NPAT: variants seen among roughly 807,000 people sequenced by gnomAD.
NPAT encodes protein NPAT.
A neutral mutation model predicts 130.7 loss-of-function variants in NPAT; 52 were observed. The observed-to-expected ratio is 0.40, with a 90% CI of 0.32 to 0.50. The LOEUF (loss-of-function observed/expected upper bound fraction) is 0.50. Ranked by LOEUF, NPAT falls within the 20% of genes least tolerant of loss-of-function variation. The pLI is 0.68. For missense variants in NPAT, 1,687 were observed against 1,662.6 expected (o/e 1.01, Z -0.26); for synonymous variants, 580 against 584.8 (o/e 0.99, Z 0.12).
chr11:108,189,637 G>A (rs557395625), intron 5 of NPAT, among the ~76,000 whole-genome samples: 2 of 152,104 alleles, frequency 1.3e-5, no homozygotes, highest in Admixed American at 6.5e-5. Flanking sequence ...TTGGGAGGCC[G>A]AGGCGGGCGG....
rs777274843 is a variant in NPAT at position 108,160,147 on chromosome 11, CA to C, written c.4206+732del. Among the ~76,000 whole-genome samples the C allele has an allele frequency of 8.4e-3, 846 of 100,234 alleles. 11 individuals carry two copies. The highest frequency in any genetic ancestry group is 5.7e-3 in the African/African-American group (144 of 25,288). The allele number at this position is 100,234 out of a possible 152,430, so 65.8% of individuals were successfully genotyped here. On this transcript the variant is annotated intron_variant, in intron 17 of 17. Transcript: ENST00000278612. ...TGGGTAACAGCGCAAGACTCTGTCT[CA>C]AAAAAAAAAAAAAAAGGAAAAAATA...
chr11:108,214,924 C>A (rs1470465216), intron 1 of NPAT, among the ~76,000 whole-genome samples: 1 of 152,180 alleles, frequency 6.6e-6, no homozygotes, highest in Non-Finnish European at 1.5e-5. Flanking sequence ...TGAGCCACTG[C>A]ACCCGGCCTA....
Position 108,172,956 on chromosome 11 carries a change from T to A in NPAT, c.2028A>T (p.Leu676Phe). The A allele has an allele frequency of 6.2e-7, 1 of 1,614,128 alleles. No homozygotes were observed. The highest frequency in any genetic ancestry group is 8.5e-7 in the Non-Finnish European group (1 of 1,180,020). ...VKEENTIFLS[L>F]GGNANCEKVA... ...CTTTCTCACAGTTAGCATTTCCACC[T>A]AAAGAGAGAAAAATAGTATTCTCTT... Residue 676 changes from leucine to phenylalanine, a missense_variant, in exon 13 of 18, where the codon TTA becomes TTT. By Grantham distance (22) the Leu-to-Phe change is conservative. Coordinates refer to ENST00000278612, the MANE Select transcript of NPAT (RefSeq NM_002519.3).
intron 1 of NPAT, chr11:108,208,600 A>G (rs917615067): frequency 1.1e-4 from 37 of 339,688 alleles, no homozygotes; most frequent in Middle Eastern, 1.0e-3. Flanking sequence ...AAAAAAAAAA[A>G]AGAGAGAGAG....
Position 108,158,865 on chromosome 11 carries a change from G to T in NPAT, c.*77C>A. On this transcript the variant is annotated 3_prime_UTR_variant, in exon 18 of 18. Coordinates refer to ENST00000278612, the MANE Select transcript of NPAT (RefSeq NM_002519.3). ...AGTGCAGGTCATGCTTTCAGATTCTGTCAATATCCCATTCCCTACACTCAG... is the reference window on the plus strand; with the variant it reads ...AGTGCAGGTCATGCTTTCAGATTCTTTCAATATCCCATTCCCTACACTCAG... 1.2e-6 allele frequency: 1 copy of T among 845,986 alleles called. No individual in the cohort carries two copies. The allele number at this position is 845,986 out of a possible 1,614,324, so 52.4% of individuals were successfully genotyped here. A position where few individuals can be genotyped will look rare whatever the true frequency, so the allele number is the denominator to read the frequency against.
Position 108,185,324 on chromosome 11 carries a change from T to C in NPAT, c.819-5A>G. On this transcript the variant is annotated splice_region_variant and splice_polypyrimidine_tract_variant and intron_variant, in intron 9 of 17. Coordinates refer to ENST00000278612, the MANE Select transcript of NPAT (RefSeq NM_002519.3). The stretch of plus-strand genomic sequence containing the variant: ...ACTTGGGCAATATTGTTATCACTGT[T>C]AATAAAGAAAGAAAAATCTTTATTA... 1.2e-6 allele frequency: 2 copies of C among 1,603,594 alleles called. No homozygotes were observed. The highest frequency in any genetic ancestry group is 1.7e-5 in the Admixed American group (1 of 59,538).
Position 108,177,087 on chromosome 11 carries a change from C to T in NPAT, c.910G>A (p.Glu304Lys). 6.2e-7 allele frequency: 1 copy of T among 1,601,406 alleles called. No individual in the cohort carries two copies. Among genetic ancestry groups the T allele is most frequent in the Non-Finnish European group, 8.6e-7 (1 of 1,168,968 alleles). The change falls in exon 11 of 18, where the codon GAA becomes AAA. Residue 304 changes from glutamate to lysine, a missense_variant. Glu to Lys is a moderately conservative substitution (Grantham distance 56, BLOSUM62 1). Around this residue, in one of 3 missense-constraint regions of NPAT, gnomAD observed 1,379 missense variants for 1,346.6 expected, o/e 1.02. Coordinates refer to ENST00000278612, the MANE Select transcript of NPAT (RefSeq NM_002519.3). ...ATAGCTTCTTCAGACATGTGAATTT[C>T]ACTCTGCAAGAAAGGAGTGGCGTGA... ...SIDEFLGLPS[E>K]IHMSEEAIQD...
At chr11:108,178,544 G>GA (rs1392101254) in intron 10 of NPAT, among the ~76,000 whole-genome samples, 1 of 152,082 alleles carries the variant, frequency 6.6e-6, no homozygotes, top group Non-Finnish European at 1.5e-5. Flanking sequence ...ATAGAAACAG[G>GA]AAAAACTACC....
intron 6 of NPAT, 37 bp from the exon 7 acceptor site, chr11:108,188,216 A>G: frequency 3.4e-6 from 5 of 1,468,828 alleles, no homozygotes; most frequent in Non-Finnish European, 4.8e-6. Context: ...AGCCAAAGAA[A>G]CTGAATAGTT....
At position 108,173,343 on chromosome 11, in the gene NPAT, T is replaced by G; in HGVS notation, c.1641A>C (p.Lys547Asn). 1 of 1,613,394 alleles carries G rather than the reference T, an allele frequency of 6.2e-7. No individual in the cohort carries two copies. The highest frequency in any genetic ancestry group is 8.5e-7 in the Non-Finnish European group (1 of 1,179,572). ...DTSLTGKPSKKSQFCENSNDT... is the reference protein window; with the variant it reads ...DTSLTGKPSKNSQFCENSNDT... Reference sequence around the variant, plus strand: ...CATTAGAATTTTCACAAAATTGACTTTTTTTAGATGGCTTTCCAGTTAATG... The same window carrying G: ...CATTAGAATTTTCACAAAATTGACTGTTTTTAGATGGCTTTCCAGTTAATG... The change falls in exon 13 of 18, where the codon AAA becomes AAC. Residue 547 changes from lysine to asparagine, a missense_variant. Around this residue, in one of 3 missense-constraint regions of NPAT, gnomAD observed 1,379 missense variants for 1,346.6 expected, o/e 1.02. Transcript: ENST00000278612.
intron 2 of NPAT, 35 bp downstream of exon 2, chr11:108,197,267 G>T: frequency 1.5e-6 from 2 of 1,311,136 alleles, no homozygotes; most frequent in Non-Finnish European, 2.2e-6. Context: ...CTCTTGTGTT[G>T]ATGAAATATT....
chr11:108,183,288 A>AT (rs2078074593), intron 10 of NPAT, among the ~76,000 whole-genome samples: 1 of 152,128 alleles, frequency 6.6e-6, no homozygotes, highest in Non-Finnish European at 1.5e-5. Context: ...TGCCTGGCCC[A>AT]TATTTATTAA....
At chr11:108,165,050 A>C (rs2077888462) in intron 15 of NPAT, among the ~76,000 whole-genome samples, 1 of 152,006 alleles carries the variant, frequency 6.6e-6, no homozygotes, top group Admixed American at 6.6e-5. Flanking sequence ...GGAAAGGATA[A>C]ACTCTGAGGG....
chr11:108,162,116 T>C lies in NPAT; in HGVS notation c.3071+4A>G. 6.2e-7 allele frequency: 1 copy of C among 1,613,764 alleles called. No individual in the cohort carries two copies. The highest frequency in any genetic ancestry group is 8.5e-7 in the Non-Finnish European group (1 of 1,179,630). ...ATCTATGATAGAAACTACTTTATAC[T>C]CACTTTTGTGCATGACATCCAACTG... On this transcript the variant is annotated splice_donor_region_variant and intron_variant, in intron 16 of 17. Coordinates refer to ENST00000278612, the MANE Select transcript of NPAT (RefSeq NM_002519.3).
intron 15 of NPAT, among the ~76,000 whole-genome samples, chr11:108,163,205 G>A (rs778763835): frequency 2.6e-5 from 4 of 151,990 alleles, no homozygotes; most frequent in South Asian, 2.1e-4. Context: ...TCAGCCTCCC[G>A]AGTAGCTGGG....
At position 108,172,224 on chromosome 11, in the gene NPAT, T is replaced by C. The variant is rs2134834493; in HGVS notation, c.2760A>G (p.Gln920=). The part of the protein sequence containing the change: ...PRSNSVFAVN[Q]AVSPNFSQGS... The stretch of plus-strand genomic sequence containing the variant: ...CTTGTGAAAAGTTTGGTGACACAGC[T>C]TGGTTGACAGCAAATACACTGTTTG... The change falls in exon 13 of 18, where the codon CAA becomes CAG. Residue 920 remains glutamine, a synonymous_variant. Transcript: ENST00000278612. 2 of 1,614,072 alleles carry C rather than the reference T, an allele frequency of 1.2e-6. No homozygotes were observed. The highest frequency in any genetic ancestry group is 1.3e-5 in the African/African-American group (1 of 75,048).
At chr11:108,179,251 A>G (rs1361420174) in intron 10 of NPAT, among the ~76,000 whole-genome samples, 1 of 152,184 alleles carries the variant, frequency 6.6e-6, no homozygotes, top group East Asian at 1.9e-4. Flanking sequence ...ATTTTGAGCT[A>G]ATTTTCATCT....
At chr11:108,166,883 T>C (rs1201425488) in intron 15 of NPAT, among the ~76,000 whole-genome samples, 1 of 152,218 alleles carries the variant, frequency 6.6e-6, no homozygotes, top group Non-Finnish European at 1.5e-5. Flanking sequence ...TTTACACTGT[T>C]AAATTTTCAA....
At chr11:108,193,018 A>G (rs1158224980) in intron 3 of NPAT, among the ~76,000 whole-genome samples, 1 of 152,212 alleles carries the variant, frequency 6.6e-6, no homozygotes, top group African/African-American at 2.4e-5. Context: ...ACGTAGCACA[A>G]TGCTTATACA....
Sources: gnomAD v4.1 joint callset for allele counts (sites outside exome capture counted in the v4.1 genomes callset) on GRCh38, gnomAD v4.1.1 for gene constraint, gnomAD v4.1.1 regional missense constraint, MANE v1.5 for transcripts, NCBI Gene and HGNC (gene_info 2026-07-23, HGNC 2026-07-21) for gene names.